Variants in LAT observed in about 807,000 individuals in gnomAD.
The protein encoded by LAT is linker for activation of T-cells family member 1.
In LAT, 12 loss-of-function variants were observed where a neutral mutation model predicts 39.1. The ratio of observed to expected loss-of-function variants is 0.31; its 90% confidence interval spans 0.20 to 0.50. The LOEUF (loss-of-function observed/expected upper bound fraction) is 0.50, where lower values mean the gene tolerates loss of function less well. Among genes scored for constraint, LAT ranks in the 20% least tolerant of loss-of-function variants. The pLI, the probability that LAT is intolerant of heterozygous loss-of-function variation, is 0.98. For missense variants in LAT, 253 were observed against 308.0 expected, an observed-to-expected ratio of 0.82 and a Z score of 1.34; for synonymous variants, 117 against 123.8, an observed-to-expected ratio of 0.95 and a Z score of 0.36.
chr16:28,990,273 C>T lies in LAT; in HGVS notation c.*92C>T, dbSNP rs552374969. The stretch of plus-strand genomic sequence containing the variant: ...AAGTGGCTCTGGGGTCCTCACATGG[C>T]GTCCTGCCCTTGCTCCAGCCTGACA... On this transcript the variant is annotated 3_prime_UTR_variant, in exon 12 of 12. Transcript: ENST00000395456. 43 of 673,600 alleles carry T rather than the reference C, an allele frequency of 6.4e-5. No homozygotes were observed. Among genetic ancestry groups the T allele is most frequent in the Non-Finnish European group, 8.2e-5 (30 of 366,488 alleles). The allele number at this position is 673,600 out of a possible 1,614,324, so 41.7% of individuals were successfully genotyped here.
In LAT at chr16:28,990,660, G is replaced by A. The variant is rs1965848226; in HGVS notation, c.*479G>A. The A allele has an allele frequency of 5.9e-6, 1 of 168,916 alleles. No individual in the cohort carries two copies. Among genetic ancestry groups the A allele is most frequent in the Non-Finnish European group, 1.3e-5 (1 of 78,918 alleles). The allele number at this position is 168,916 out of a possible 1,614,324, so 10.5% of individuals were successfully genotyped here. A position where few individuals can be genotyped will look rare whatever the true frequency, so the allele number is the denominator to read the frequency against. On this transcript the variant is annotated 3_prime_UTR_variant, in exon 12 of 12. Transcript: ENST00000395456. ...GCCCCATGAGACAGTCCCAGAACAC[G>A]GCAGCTGCTGGCTGTGACAATGGTT...
Position 28,986,923 on chromosome 16 carries a change from AT to A in LAT, c.493+37del. ...GTCAGGCATTTGTTTTTATTTTTAAATTTTTTTAGGGATAGGCTGGAGTGCA... is the reference window on the plus strand; with the variant it reads ...GTCAGGCATTTGTTTTTATTTTTAAATTTTTTAGGGATAGGCTGGAGTGCA... On this transcript the variant is annotated intron_variant, in intron 8 of 11. Transcript: ENST00000395456. This position sits in a 1 kb window ranked among gnomAD's most constrained non-coding sequence, Gnocchi z 5.7. 1 of 1,593,722 alleles carries A rather than the reference AT, an allele frequency of 6.3e-7. No individual in the cohort carries two copies. Among genetic ancestry groups the A allele is most frequent in the African/African-American group, 1.3e-5 (1 of 74,250 alleles).
At chr16:28,988,839 T>A (rs984446927) in intron 8 of LAT, 3 of 152,358 alleles carry the variant, frequency 2.0e-5, no homozygotes, top group Non-Finnish European at 2.9e-5. Context: ...AAGACCAGCC[T>A]GGGCAGCATA....
chr16:28,986,672 A>T lies in LAT; in HGVS notation c.356A>T (p.Asp119Val), dbSNP rs148817437. 3 of 1,613,692 alleles carry T rather than the reference A, an allele frequency of 1.9e-6. No homozygotes were observed. The highest frequency in any genetic ancestry group is 2.2e-5 in the South Asian group (2 of 91,006). Residue 119 changes from aspartate to valine, a missense_variant, in exon 7 of 12, where the codon GAT becomes GTT. Physicochemically the swap from Asp to Val is radical, Grantham distance 152. Transcript: ENST00000395456. This position sits in a 1 kb window ranked among gnomAD's most constrained non-coding sequence, Gnocchi z 5.7. ...TTACCCCCAGAACCAGCCTGTGAGG[A>T]TGCGGATGAGGATGAGGACGACTAT... ...SYENEEPACE[D>V]ADEDEDDYHN... is the part of the protein sequence containing the mutation.
chr16:28,990,236 C>T lies in LAT; in HGVS notation c.*55C>T. The stretch of plus-strand genomic sequence containing the variant: ...ACCAGGCTTGCCTGGGACGGCTGAG[C>T]TGGGCAGCTGGAAGTGGCTCTGGGG... On this transcript the variant is annotated 3_prime_UTR_variant, in exon 12 of 12. Transcript: ENST00000395456. 1 of 692,842 alleles carries T rather than the reference C, an allele frequency of 1.4e-6. No homozygotes were observed. Among genetic ancestry groups the T allele is most frequent in the Non-Finnish European group, 2.6e-6 (1 of 379,524 alleles). The allele number at this position is 692,842 out of a possible 1,614,324, so 42.9% of individuals were successfully genotyped here.
At chr16:28,989,353 TG>T (rs1965823053) in intron 8 of LAT, 173 bp from the exon 9 acceptor site, 1 of 604,258 alleles carries the variant, frequency 1.7e-6, no homozygotes, top group East Asian at 2.8e-5. Context: ...ACACCATCCT[TG>T]CCAGCCTGGA....
In LAT at chr16:28,985,310, G is replaced by T; in HGVS notation, c.-108G>T. On this transcript the variant is annotated 5_prime_UTR_variant, in exon 1 of 12. Coordinates refer to ENST00000395456, the MANE Select transcript of LAT (RefSeq NM_001014987.2). The surrounding 1 kb of genome is among the most constrained non-coding windows in gnomAD (Gnocchi z 4.6). ...CTCCCCTGCCACCTGGTGCCTACCT[G>T]CCCCCTGCTCCCTGCCGGGTCCGGT... 2 of 1,523,700 alleles carry T rather than the reference G, an allele frequency of 1.3e-6. No individual in the cohort carries two copies. The highest frequency in any genetic ancestry group is 1.8e-6 in the Non-Finnish European group (2 of 1,134,498). The allele number at this position is 1,523,700 out of a possible 1,614,324, so 94.4% of individuals were successfully genotyped here. A position where few individuals can be genotyped will look rare whatever the true frequency, so the allele number is the denominator to read the frequency against.
rs775328558 is a variant in LAT, at chr16:28,986,496, C to T, written c.311-44C>T. 2.5e-6 allele frequency: 4 copies of T among 1,611,670 alleles called. No individual in the cohort carries two copies. The Admixed American group carries it at 6.7e-5, about 27-fold the overall frequency. On this transcript the variant is annotated intron_variant, in intron 5 of 11. Transcript: ENST00000395456. This position sits in a 1 kb window ranked among gnomAD's most constrained non-coding sequence, Gnocchi z 5.7. ...GGCGGGGGCTGGGAAGAAGATAGGC[C>T]TGGCCTGAGCTGACTTAGTCTCCCT...
chr16:28,986,976 C>T lies in LAT; in HGVS notation c.493+83C>T, dbSNP rs1333793088. On this transcript the variant is annotated intron_variant, in intron 8 of 11. Transcript: ENST00000395456. The surrounding 1 kb of genome is among the most constrained non-coding windows in gnomAD (Gnocchi z 5.7). ...TGGTGCCATTGTAGCTCGCTGCAGC[C>T]TTGAACTCCTGGGCTCCAGTGATCC... is the stretch of plus-strand genomic sequence containing the variant. The T allele has an allele frequency of 7.7e-6, 9 of 1,161,372 alleles. No individual in the cohort carries two copies. Among genetic ancestry groups the T allele is most frequent in the Non-Finnish European group, 1.1e-5 (9 of 816,448 alleles). 71.9% of individuals were successfully genotyped at this position (1,161,372 alleles called of 1,614,324 possible).
intron 8 of LAT, among the ~76,000 whole-genome samples, chr16:28,987,212 GTTC>G (rs1172090127): frequency 1.3e-5 from 2 of 152,242 alleles, no homozygotes; most frequent in East Asian, 3.9e-4. Context: ...GCCCGGCCCT[GTTC>G]TTCTGATTTT....
In LAT at chr16:28,985,897, A is replaced by T. The variant is rs1965737326; in HGVS notation, c.163+9A>T. 1 of 1,613,892 alleles carries T rather than the reference A, an allele frequency of 6.2e-7. No homozygotes were observed. Among genetic ancestry groups the T allele is most frequent in the African/African-American group, 1.3e-5 (1 of 74,906 alleles). ...CCAGTTCAAACGGCCTCGTGAGTACAAGGAGGGTCCCCTACCTTGGGTGCC... is the reference window on the plus strand; with the variant it reads ...CCAGTTCAAACGGCCTCGTGAGTACTAGGAGGGTCCCCTACCTTGGGTGCC... On this transcript the variant is annotated intron_variant, in intron 3 of 11. Transcript: ENST00000395456. This position sits in a 1 kb window ranked among gnomAD's most constrained non-coding sequence, Gnocchi z 4.6.
In LAT at chr16:28,986,045, C is replaced by A; in HGVS notation, c.164-90C>A. On this transcript the variant is annotated intron_variant, in intron 3 of 11. Coordinates refer to ENST00000395456, the MANE Select transcript of LAT (RefSeq NM_001014987.2). This position sits in a 1 kb window ranked among gnomAD's most constrained non-coding sequence, Gnocchi z 5.7. ...GGGAGATGGCTCCCCCAGGCCTGTC[C>A]AGGGTGTGGGGCTTTCAGGGGCTTA... 1 of 1,389,448 alleles carries A rather than the reference C, an allele frequency of 7.2e-7. No homozygotes were observed. Among genetic ancestry groups the A allele is most frequent in the Non-Finnish European group, 1.0e-6 (1 of 983,692 alleles). The allele number at this position is 1,389,448 out of a possible 1,614,324, so 86.1% of individuals were successfully genotyped here. A position where few individuals can be genotyped will look rare whatever the true frequency, so the allele number is the denominator to read the frequency against.
At chr16:28,988,349 G>A (rs573204072) in intron 8 of LAT, 1 of 152,696 alleles carries the variant, frequency 6.5e-6, no homozygotes, top group South Asian at 2.1e-4. Flanking sequence ...CTGAGGTTAT[G>A]TGGTTGGTTA....
chr16:28,987,005 C>A, intron 8 of LAT, 112 bp downstream of exon 8: 2 of 867,352 alleles, frequency 2.3e-6, no homozygotes, highest in Non-Finnish European at 1.8e-6. Flanking sequence ...GTGATCCTCC[C>A]AAGTAGGCTA....
intron 8 of LAT, chr16:28,988,322 G>C (rs192694353): frequency 1.3e-5 from 2 of 152,532 alleles, no homozygotes; most frequent in African/African-American, 2.4e-5. Context: ...GAGGCACAGA[G>C]AGGTAAGGTC....
chr16:28,987,083 AT>A (rs1046543332), intron 8 of LAT, among the ~76,000 whole-genome samples, 190 bp downstream of exon 8: 1 of 151,762 alleles, frequency 6.6e-6, no homozygotes, highest in Non-Finnish European at 1.5e-5. Context: ...TATTTAAAAA[AT>A]TTTTTTTGTA....
Position 28,985,465 on chromosome 16 carries a change from G to A in LAT, c.48G>A (p.Leu16=). Residue 16 remains leucine (L), a synonymous_variant, in exon 1 of 12, where the codon CTG becomes CTA. Transcript: ENST00000395456. The surrounding 1 kb of genome is among the most constrained non-coding windows in gnomAD (Gnocchi z 4.6). ...LVPCVLGLLL[L]PILAMLMALC... ...CCTGCGTGCTGGGGCTCCTGCTGCTGCCCATCCTGGCCATGTTGATGGCAC... is the reference window on the plus strand; with the variant it reads ...CCTGCGTGCTGGGGCTCCTGCTGCTACCCATCCTGGCCATGTTGATGGCAC... The A allele has an allele frequency of 6.2e-7, 1 of 1,613,780 alleles. No individual in the cohort carries two copies. Among genetic ancestry groups the A allele is most frequent in the Non-Finnish European group, 8.5e-7 (1 of 1,179,940 alleles).
At chr16:28,988,367 AGCTGGGATTGAACCGGG>A (rs1965806356) in intron 8 of LAT, 1 of 152,530 alleles carries the variant, frequency 6.6e-6, no homozygotes, top group Admixed American at 6.5e-5. Flanking sequence ...TTAGTGCTGG[AGCTGGGATTGAACCGGG>A]GCGGTCTTCA....
Position 28,986,331 on chromosome 16 carries a change from G to A in LAT, c.246-51G>A, listed in dbSNP as rs561446498. ...GGCCCCTTTCCCTTTTGCAACTGCTGTTGCCCCCTGAGCCCCACCTCAGGC... is the reference window on the plus strand; with the variant it reads ...GGCCCCTTTCCCTTTTGCAACTGCTATTGCCCCCTGAGCCCCACCTCAGGC... On this transcript the variant is annotated intron_variant, in intron 4 of 11. Coordinates refer to ENST00000395456, the MANE Select transcript of LAT (RefSeq NM_001014987.2). This position sits in a 1 kb window ranked among gnomAD's most constrained non-coding sequence, Gnocchi z 5.7. 20 of 1,602,948 alleles carry A rather than the reference G, an allele frequency of 1.2e-5. No homozygotes were observed. In the Admixed American group the frequency reaches 2.0e-4, roughly 16 times the overall value.
Sources: allele counts gnomAD v4.1 joint callset (sites outside exome capture counted in the v4.1 genomes callset), GRCh38; gene constraint gnomAD v4.1.1; non-coding constraint Gnocchi (gnomAD v3.1); transcripts MANE v1.5; gene names NCBI Gene and HGNC (gene_info 2026-07-23, HGNC 2026-07-21).